The following HPSE2 variants were observed in gnomAD, a reference collection of about 807,000 sequenced individuals.
HPSE2 encodes heparanase 2 (inactive).
HPSE2 carries 38 observed loss-of-function variants against 60.5 expected under a neutral mutation model. The observed-to-expected ratio is 0.63, with a 90% CI of 0.48 to 0.82. The LOEUF is 0.82. HPSE2 is among the 40% of genes least tolerant of loss of function. The pLI is 0.00. For missense variants in HPSE2, 713 were observed against 740.4 expected (o/e 0.96, Z 0.43); for synonymous variants, 295 against 293.2 (o/e 1.01, Z -0.06).
At chr10:98,664,207 G>A (rs938126679) in intron 6 of HPSE2, among the ~76,000 whole-genome samples, 1 of 152,062 alleles carries the variant, frequency 6.6e-6, no homozygotes, top group Non-Finnish European at 1.5e-5. Flanking sequence ...CTGGGACCCT[G>A]ATTAAACTCT....
chr10:98,890,970 T>C (rs1953319853), intron 3 of HPSE2, among the ~76,000 whole-genome samples: 1 of 152,232 alleles, frequency 6.6e-6, no homozygotes, highest in South Asian at 2.1e-4. Context: ...TGCACTTGTA[T>C]ACATGGAGCA....
At chr10:98,747,717 C>T (rs1949661845) in intron 3 of HPSE2, among the ~76,000 whole-genome samples, 1 of 152,144 alleles carries the variant, frequency 6.6e-6, no homozygotes, top group Admixed American at 6.5e-5. Context: ...AGAGCTATAC[C>T]ATTTTTTGGC....
At chr10:98,833,283 T>C (rs1011181525) in intron 3 of HPSE2, among the ~76,000 whole-genome samples, 1 of 152,168 alleles carries the variant, frequency 6.6e-6, no homozygotes, top group South Asian at 2.1e-4. Context: ...TCTTATTCTT[T>C]GACCTGACAA....
chr10:99,023,226 T>C (rs1957302945), intron 3 of HPSE2, among the ~76,000 whole-genome samples: 1 of 152,068 alleles, frequency 6.6e-6, no homozygotes, highest in African/African-American at 2.4e-5. Context: ...CCTTGTGGCC[T>C]GGGGTGGCGG....
intron 11 of HPSE2, among the ~76,000 whole-genome samples, chr10:98,461,534 A>G (rs1940290480): frequency 1.3e-5 from 2 of 152,142 alleles, no homozygotes; most frequent in African/African-American, 4.8e-5. Flanking sequence ...GGGTGAGGAG[A>G]GTGGTTCAGT....
chr10:98,720,406 G>T (rs923338860), intron 5 of HPSE2, among the ~76,000 whole-genome samples: 4 of 152,076 alleles, frequency 2.6e-5, no homozygotes, highest in Non-Finnish European at 5.9e-5. Flanking sequence ...CAGAATTCAA[G>T]TTAAAACAAC....
chr10:98,512,251 T>C (rs1469096959), intron 9 of HPSE2, among the ~76,000 whole-genome samples: 2 of 152,204 alleles, frequency 1.3e-5, no homozygotes, highest in Non-Finnish European at 2.9e-5. Flanking sequence ...GGTAATGAAA[T>C]ACCCTCCAAT....
At chr10:98,591,477 A>G (rs567566813) in intron 9 of HPSE2, among the ~76,000 whole-genome samples, 39 of 152,218 alleles carry the variant, frequency 2.6e-4, no homozygotes, top group African/African-American at 8.7e-4. Flanking sequence ...AGCCTGGGCA[A>G]CATGGCAAAG....
chr10:99,010,014 T>C (rs1268948677), intron 3 of HPSE2, among the ~76,000 whole-genome samples: 1 of 152,224 alleles, frequency 6.6e-6, no homozygotes, highest in Non-Finnish European at 1.5e-5. Flanking sequence ...AGACCATTGT[T>C]TGGGAACAAT....
At chr10:98,743,353 A>G (rs889911606) in intron 4 of HPSE2, among the ~76,000 whole-genome samples, 3 of 152,184 alleles carry the variant, frequency 2.0e-5, no homozygotes, top group Admixed American at 2.0e-4. Context: ...TAAATTGTTT[A>G]AGAAATGCTG....
chr10:99,132,170 A>AAAGAAAGAAAGAAAGG (rs1564832486), intron 3 of HPSE2, among the ~76,000 whole-genome samples: 7 of 7,412 alleles, frequency 9.4e-4, no homozygotes, highest in Admixed American at 2.4e-3. Flanking sequence ...AGAAAGAAAG[A>AAAGAAAGAAAGAAAGG]AAGAAAGAAA....
chr10:98,750,301 T>A (rs536924769), intron 3 of HPSE2, among the ~76,000 whole-genome samples: 2 of 152,150 alleles, frequency 1.3e-5, no homozygotes, highest in Non-Finnish European at 2.9e-5. Flanking sequence ...GGGAGAGCAG[T>A]AGGAGATGAG....
intron 9 of HPSE2, among the ~76,000 whole-genome samples, chr10:98,536,765 G>T (rs1446851161): frequency 6.6e-6 from 1 of 152,130 alleles, no homozygotes; most frequent in East Asian, 1.9e-4. Context: ...CTGTACCAGG[G>T]ACTGTGGTAG....
At chr10:99,122,486 G>A (rs1426094237) in intron 3 of HPSE2, among the ~76,000 whole-genome samples, 2 of 151,630 alleles carry the variant, frequency 1.3e-5, no homozygotes, top group Non-Finnish European at 2.9e-5. Context: ...TTTGGTAAAA[G>A]GAATGAATAC....
At chr10:99,159,706 T>C (rs1002408111) in intron 2 of HPSE2, among the ~76,000 whole-genome samples, 1 of 152,168 alleles carries the variant, frequency 6.6e-6, no homozygotes, top group Non-Finnish European at 1.5e-5. Flanking sequence ...CTATAAATTT[T>C]CTAGACAAAA....
At chr10:99,234,045 T>C (rs1338852181) in intron 1 of HPSE2, among the ~76,000 whole-genome samples, 1 of 152,188 alleles carries the variant, frequency 6.6e-6, no homozygotes, top group African/African-American at 2.4e-5. Flanking sequence ...CTGAAGGAGT[T>C]CAATGAAAGT....
At chr10:98,725,739 A>G (rs1463721252) in intron 4 of HPSE2, among the ~76,000 whole-genome samples, 1 of 152,200 alleles carries the variant, frequency 6.6e-6, no homozygotes, top group Non-Finnish European at 1.5e-5. Flanking sequence ...CAACCTACTC[A>G]TCTGACAAAG....
intron 3 of HPSE2, among the ~76,000 whole-genome samples, chr10:98,747,984 A>G (rs1949667601): frequency 6.6e-6 from 1 of 152,198 alleles, no homozygotes; most frequent in Admixed American, 6.5e-5. Flanking sequence ...AGAAAGAGGC[A>G]AAAGAGAGAT....
intron 3 of HPSE2, among the ~76,000 whole-genome samples, chr10:98,876,480 A>G (rs1320536414): frequency 2.0e-5 from 3 of 151,974 alleles, no homozygotes; most frequent in Non-Finnish European, 4.4e-5. Flanking sequence ...CATGCACTCC[A>G]TAAATATTTG....
Sources: allele counts gnomAD v4.1 joint callset (sites outside exome capture counted in the v4.1 genomes callset), GRCh38; gene constraint gnomAD v4.1.1; transcripts MANE v1.5; gene names NCBI Gene and HGNC (gene_info 2026-07-23, HGNC 2026-07-21).